The following MAP4K4 variants were observed in gnomAD, a reference collection of about 807,000 sequenced individuals.
The protein encoded by MAP4K4 is HPK/GCK-like kinase HGK.
In MAP4K4, 38 loss-of-function variants were observed where a neutral mutation model predicts 189.6. The observed-to-expected ratio is 0.20, with a 90% confidence interval of 0.15 to 0.26. The LOEUF (loss-of-function observed/expected upper bound fraction) is 0.26, where lower values mean the gene tolerates loss of function less well. Ranked by LOEUF, MAP4K4 falls within the 10% of genes least tolerant of loss-of-function variation. MAP4K4 has a pLI of 1.00. For missense variants in MAP4K4, 1,054 were observed against 1,726.9 expected, an observed-to-expected ratio of 0.61 and a Z score of 6.91; for synonymous variants, 610 against 624.3, an observed-to-expected ratio of 0.98 and a Z score of 0.34.
rs569483942 is a variant in MAP4K4, at chr2:101,887,370, A to C, written c.3771+133A>C. 7.7e-5 allele frequency: 67 copies of C among 865,592 alleles called. No homozygotes were observed. In the South Asian group the frequency reaches 1.2e-3, roughly 15 times the overall value. 53.6% of individuals were successfully genotyped at this position (865,592 alleles called of 1,614,324 possible). ...TGGTGTGGGGGTGAGTATTTAAATG[A>C]TACGCAATTTTCAATAGCTCCATGC... On this transcript the variant is annotated intron_variant, in intron 30 of 32. Transcript: ENST00000324219.
At chr2:101,867,456 C>A in intron 20 of MAP4K4, 147 bp downstream of exon 20, 1 of 615,188 alleles carries the variant, frequency 1.6e-6, no homozygotes, top group Non-Finnish European at 2.9e-6. Context: ...AAACCCCAGA[C>A]ATACTTGTTC....
chr2:101,760,159 CT>C (rs912163437), intron 2 of MAP4K4, among the ~76,000 whole-genome samples: 9 of 150,406 alleles, frequency 6.0e-5, no homozygotes, highest in African/African-American at 1.7e-4. Context: ...TTTTCTTTTT[CT>C]TTTTTTTTAG....
intron 12 of MAP4K4, among the ~76,000 whole-genome samples, chr2:101,850,654 G>A (rs576852045): frequency 6.6e-6 from 1 of 152,318 alleles, no homozygotes; most frequent in South Asian, 2.1e-4. Flanking sequence ...GCATGCCAGT[G>A]CCCCTACAGC....
intron 2 of MAP4K4, among the ~76,000 whole-genome samples, chr2:101,745,438 TAAA>T (rs10678749): frequency 6.5e-5 from 6 of 91,668 alleles, no homozygotes; most frequent in Admixed American, 2.4e-4. Context: ...TGCCCCCAGG[TAAA>T]AAAAAAAAAA....
At chr2:101,723,089 C>T (rs568424280) in intron 2 of MAP4K4, among the ~76,000 whole-genome samples, 14 of 152,162 alleles carry the variant, frequency 9.2e-5, no homozygotes, top group Non-Finnish European at 2.1e-4. Context: ...GAGGAACTGC[C>T]AAACACTTAC....
chr2:101,801,317 G>A (rs1247513107), intron 3 of MAP4K4, among the ~76,000 whole-genome samples: 3 of 152,164 alleles, frequency 2.0e-5, no homozygotes, highest in Non-Finnish European at 4.4e-5. Flanking sequence ...AGGATCCAGA[G>A]CAAATTCAGC....
chr2:101,735,140 T>A (rs2059865599), intron 2 of MAP4K4, among the ~76,000 whole-genome samples: 1 of 152,196 alleles, frequency 6.6e-6, no homozygotes, highest in South Asian at 2.1e-4. Flanking sequence ...GTGTAGTGAC[T>A]GAGTTTCAGT....
At chr2:101,767,603 A>G (rs2079168071) in intron 2 of MAP4K4, among the ~76,000 whole-genome samples, 1 of 152,154 alleles carries the variant, frequency 6.6e-6, no homozygotes, top group South Asian at 2.1e-4. Flanking sequence ...ACCAGTGCTA[A>G]TCATTTGGTG....
intron 3 of MAP4K4, among the ~76,000 whole-genome samples, chr2:101,806,635 C>G (rs868435242): frequency 5.9e-5 from 9 of 152,202 alleles, no homozygotes; most frequent in Admixed American, 2.0e-4. Flanking sequence ...GCCTTGGCCT[C>G]CCAAAGTGCT....
intron 21 of MAP4K4, 23 bp from the exon 22 acceptor site, chr2:101,869,599 C>T (rs933576147): frequency 3.8e-6 from 6 of 1,596,190 alleles, no homozygotes; most frequent in Non-Finnish European, 5.1e-6. Flanking sequence ...GCCTTACTCT[C>T]TCTTTTCTGT....
chr2:101,836,036 T>C (rs1324692645), intron 9 of MAP4K4, 58 bp downstream of exon 9: 1 of 1,281,630 alleles, frequency 7.8e-7, no homozygotes, highest in Non-Finnish European at 1.1e-6. Flanking sequence ...TGCTTCTTTT[T>C]AGTTATACTT....
intron 2 of MAP4K4, among the ~76,000 whole-genome samples, chr2:101,702,653 A>T (rs1020411503): frequency 6.6e-6 from 1 of 152,234 alleles, no homozygotes; most frequent in African/African-American, 2.4e-5. Flanking sequence ...ATCCGGTAAC[A>T]GTAACGTGGA....
chr2:101,739,823 A>C (rs2061843295), intron 2 of MAP4K4, among the ~76,000 whole-genome samples: 1 of 152,216 alleles, frequency 6.6e-6, no homozygotes, highest in Non-Finnish European at 1.5e-5. Flanking sequence ...TAAGAGAACC[A>C]ACCTTGGGAC....
chr2:101,831,601 C>G, intron 6 of MAP4K4, 120 bp from the exon 7 acceptor site: 1 of 1,095,868 alleles, frequency 9.1e-7, no homozygotes, highest in Non-Finnish European at 1.4e-6. Flanking sequence ...ATCGCATATT[C>G]ATGAAGCACT....
chr2:101,883,386 C>CAATG (rs1366469477), intron 28 of MAP4K4, among the ~76,000 whole-genome samples: 3 of 152,062 alleles, frequency 2.0e-5, no homozygotes, highest in Non-Finnish European at 4.4e-5. Flanking sequence ...GGCTGGAGCG[C>CAATG]AATGGTGCGA....
At chr2:101,765,709 T>G (rs1364736639) in intron 2 of MAP4K4, among the ~76,000 whole-genome samples, 1 of 152,220 alleles carries the variant, frequency 6.6e-6, no homozygotes, top group Non-Finnish European at 1.5e-5. Context: ...AAAGATAAAT[T>G]TGTCAAAATA....
chr2:101,887,744 A>G (rs1186950897), intron 30 of MAP4K4, 34 bp from the exon 31 acceptor site: 1 of 1,564,000 alleles, frequency 6.4e-7, no homozygotes, highest in Admixed American at 1.8e-5. Flanking sequence ...ATAACCACAG[A>G]CGTTCTTCCC....
At chr2:101,844,057 G>A (rs1160851660) in intron 11 of MAP4K4, 44 bp from the exon 12 acceptor site, 3 of 1,374,672 alleles carry the variant, frequency 2.2e-6, no homozygotes, top group Non-Finnish European at 3.1e-6. Context: ...TTATAGGACA[G>A]TGTGATCGGT....
intron 29 of MAP4K4, among the ~76,000 whole-genome samples, chr2:101,886,412 A>G (rs1313794499): frequency 6.6e-6 from 1 of 152,250 alleles, no homozygotes; most frequent in Admixed American, 6.5e-5. Context: ...TAATAGTGAT[A>G]CAATTTTCAG....
Sources: gnomAD v4.1 joint callset for allele counts (sites outside exome capture counted in the v4.1 genomes callset) on GRCh38, gnomAD v4.1.1 for gene constraint, MANE v1.5 for transcripts, NCBI Gene and HGNC (gene_info 2026-07-23, HGNC 2026-07-21) for gene names.